Variants in SHANK2 observed in about 807,000 individuals in gnomAD.
SHANK2 encodes the protein SH3 and multiple ankyrin repeat domains protein 2.
A neutral mutation model predicts 133.7 loss-of-function variants in SHANK2; 43 were observed. That is an observed-to-expected ratio of 0.32 (90% CI 0.25 to 0.41). SHANK2 has a LOEUF of 0.41. SHANK2 is among the 10% of genes least tolerant of loss of function. The pLI is 1.00. For missense variants in SHANK2, 1,994 were observed against 2,235.8 expected, an observed-to-expected ratio of 0.89 and a Z score of 2.18; for synonymous variants, 1,017 against 952.8, an observed-to-expected ratio of 1.07 and a Z score of -1.24.
chr11:70,636,988 G>GT (rs11446352), intron 17 of SHANK2, among the ~76,000 whole-genome samples: 90,839 of 151,810 alleles, frequency 0.6, 27,485 homozygotes, highest in Middle Eastern at 0.72. Context: ...TTTTCTCTCA[G>GT]TCTGGCGGCG....
At chr11:70,522,825 C>T (rs782515072) in intron 17 of SHANK2, among the ~76,000 whole-genome samples, 39 of 152,198 alleles carry the variant, frequency 2.6e-4, no homozygotes, top group Non-Finnish European at 4.4e-4. Context: ...ATTTGAGACT[C>T]GTGCAGAAGG....
chr11:70,899,845 T>A (rs1028909115), intron 10 of SHANK2, among the ~76,000 whole-genome samples: 1 of 152,206 alleles, frequency 6.6e-6, no homozygotes, highest in African/African-American at 2.4e-5. Context: ...ACTGGCGGAC[T>A]GGCGGAGGGA....
chr11:70,901,738 C>G (rs1432221086), intron 10 of SHANK2, among the ~76,000 whole-genome samples: 4 of 152,178 alleles, frequency 2.6e-5, no homozygotes, highest in African/African-American at 9.7e-5. Flanking sequence ...CCTCTGCAAG[C>G]CATCGCCAGC....
intron 17 of SHANK2, among the ~76,000 whole-genome samples, chr11:70,628,729 C>T (rs1205516960): frequency 3.3e-5 from 5 of 152,206 alleles, no homozygotes; most frequent in African/African-American, 7.2e-5. Flanking sequence ...CTGTTAGCAC[C>T]GCCTCTGGGT....
chr11:71,172,579 CAG>C (rs1208676019), intron 2 of SHANK2, among the ~76,000 whole-genome samples: 2 of 124,554 alleles, frequency 1.6e-5, no homozygotes, highest in African/African-American at 6.0e-5. Flanking sequence ...GCCTGGGTGA[CAG>C]AGTGAGACTC....
chr11:71,165,801 C>T (rs541927810), intron 2 of SHANK2, among the ~76,000 whole-genome samples: 16 of 152,240 alleles, frequency 1.1e-4, no homozygotes, highest in Admixed American at 6.5e-4. Flanking sequence ...AGCAGAGACA[C>T]GTCTCATCCT....
At chr11:70,862,026 C>A (rs1041378483) in intron 11 of SHANK2, among the ~76,000 whole-genome samples, 1 of 151,922 alleles carries the variant, frequency 6.6e-6, no homozygotes, top group African/African-American at 2.4e-5. Context: ...AGGATCCTGT[C>A]GCACTGGGTC....
At position 70,487,062 on chromosome 11, in the gene SHANK2, G is replaced by A. The variant is rs1591489781; in HGVS notation, c.3231C>T (p.Pro1077=). 1.9e-6 allele frequency: 3 copies of A among 1,609,210 alleles called. No individual in the cohort carries two copies. Among genetic ancestry groups the A allele is most frequent in the African/African-American group, 1.3e-5 (1 of 74,922 alleles). The change falls in exon 25 of 26, where the codon CCC becomes CCT. Residue 1077 remains proline (P), a synonymous_variant. Coordinates refer to ENST00000601538, the MANE Select transcript of SHANK2 (RefSeq NM_012309.5). This position sits in a 1 kb window ranked among gnomAD's most constrained non-coding sequence, Gnocchi z 5.8. Reference sequence around the variant, plus strand: ...CGGCTCCGGCGATGGCGGCGGCAAAGGGGCTGCTGACGGTCAGGCTTTCGT... The same window carrying A: ...CGGCTCCGGCGATGGCGGCGGCAAAAGGGCTGCTGACGGTCAGGCTTTCGT... ...RPDESLTVSS[P]FAAAIAGAVR...
intron 17 of SHANK2, among the ~76,000 whole-genome samples, chr11:70,608,979 C>T (rs983629084): frequency 6.6e-5 from 10 of 152,254 alleles, no homozygotes; most frequent in Non-Finnish European, 1.0e-4. Context: ...GCTCGCTCCT[C>T]GCTTAGCCAT....
intron 17 of SHANK2, among the ~76,000 whole-genome samples, chr11:70,628,771 G>A (rs1171418783): frequency 6.6e-6 from 1 of 152,220 alleles, no homozygotes; most frequent in African/African-American, 2.4e-5. Flanking sequence ...CGGCCCACCT[G>A]CCCTCCCCAG....
At position 70,486,393 on chromosome 11, in the gene SHANK2, G is replaced by A. The variant is rs373883984; in HGVS notation, c.3900C>T (p.Ile1300=). Residue 1300 remains isoleucine, a synonymous_variant, in exon 25 of 26, where the codon ATC becomes ATT. Transcript: ENST00000601538. The surrounding 1 kb of genome is among the most constrained non-coding windows in gnomAD (Gnocchi z 8.0). The part of the protein sequence containing the change: ...RKGDDKKNML[I]DIMDTSQQKS... ...TCTGCTGGGACGTGTCCATGATGTC[G>A]ATCAGCATGTTCTTCTTGTCATCGC... The A allele has an allele frequency of 6.2e-6, 10 of 1,613,786 alleles. No homozygotes were observed. Among genetic ancestry groups the A allele is most frequent in the Admixed American group, 5.0e-5 (3 of 59,998 alleles).
intron 11 of SHANK2, 80 bp from the exon 12 acceptor site, chr11:70,820,762 G>A (rs1948501285): frequency 3.4e-6 from 2 of 594,004 alleles, no homozygotes; most frequent in African/African-American, 1.9e-5. Context: ...GGGAGGTGCA[G>A]GCCTGCGTGC....
intron 14 of SHANK2, among the ~76,000 whole-genome samples, chr11:70,730,554 C>G (rs1302577345): frequency 1.3e-5 from 2 of 152,204 alleles, no homozygotes; most frequent in African/African-American, 4.8e-5. Context: ...CCCAGCCCTT[C>G]CAGCACTGTC....
intron 11 of SHANK2, among the ~76,000 whole-genome samples, chr11:70,840,490 G>A (rs1375013480): frequency 3.9e-5 from 6 of 152,212 alleles, no homozygotes; most frequent in Non-Finnish European, 8.8e-5. Context: ...TCCTTGTCTG[G>A]GAGGAGCCCT....
intron 17 of SHANK2, among the ~76,000 whole-genome samples, chr11:70,609,915 C>A (rs1649183137): frequency 1.4e-5 from 1 of 71,204 alleles, no homozygotes; most frequent in Non-Finnish European, 3.0e-5. Flanking sequence ...CAGGGATAAA[C>A]CTTGCAAACA....
At chr11:70,523,201 G>C (rs1445092142) in intron 17 of SHANK2, among the ~76,000 whole-genome samples, 2 of 152,232 alleles carry the variant, frequency 1.3e-5, no homozygotes, top group African/African-American at 4.8e-5. Flanking sequence ...ACACCGGGAG[G>C]CCTCTCTGTC....
intron 11 of SHANK2, among the ~76,000 whole-genome samples, chr11:70,849,785 G>T (rs1251621356): frequency 6.6e-6 from 1 of 152,018 alleles, no homozygotes; most frequent in Non-Finnish European, 1.5e-5. Flanking sequence ...GGTGATCTGG[G>T]GTCCATGATC....
At chr11:71,081,964 A>C (rs947573636) in intron 8 of SHANK2, among the ~76,000 whole-genome samples, 1 of 152,192 alleles carries the variant, frequency 6.6e-6, no homozygotes, top group Non-Finnish European at 1.5e-5. Context: ...GCTCATCTGG[A>C]AAGGTGCAGT....
intron 2 of SHANK2, among the ~76,000 whole-genome samples, chr11:71,154,796 T>C (rs59498315): frequency 1.0e-3 from 26 of 25,416 alleles, no homozygotes; most frequent in Admixed American, 4.0e-3. Flanking sequence ...CCCCCGCCCA[T>C]GCTCCCAGAA....
Sources: gnomAD v4.1 joint callset for allele counts (sites outside exome capture counted in the v4.1 genomes callset) on GRCh38, gnomAD v4.1.1 for gene constraint, Gnocchi (gnomAD v3.1) non-coding constraint, MANE v1.5 for transcripts, NCBI Gene and HGNC (gene_info 2026-07-23, HGNC 2026-07-21) for gene names.